TAMM41: variants seen among roughly 807,000 people sequenced by gnomAD.
TAMM41 encodes TAM41 mitochondrial translocator assembly and maintenance homolog.
TAMM41 carries 36 observed loss-of-function variants against 44.1 expected under a neutral mutation model. That is an observed-to-expected ratio of 0.82 (90% CI 0.63 to 1.08). The LOEUF is 1.08. TAMM41 is among the 50% of genes least tolerant of loss of function. The pLI is 0.00. For synonymous variants in TAMM41, 164 were observed against 153.1 expected (o/e 1.07, Z -0.53); for missense variants, 417 against 404.3 (o/e 1.03, Z -0.27).
intron 3 of TAMM41, among the ~76,000 whole-genome samples, chr3:11,833,957 A>G (rs1283439105): frequency 5.3e-5 from 8 of 152,174 alleles, no homozygotes; most frequent in Non-Finnish European, 1.2e-4. Context: ...GTTATTAAAA[A>G]ATAGGCCAGA....
chr3:11,790,688 G>A (rs759486573), intron 7 of TAMM41, 107 bp from the exon 8 acceptor site: 1 of 942,180 alleles, frequency 1.1e-6, no homozygotes, highest in Non-Finnish European at 1.7e-6. Flanking sequence ...GGGCAGTGAG[G>A]GGCTGACCCG....
At chr3:11,738,524 C>T in the TAMM41 span, among the ~76,000 whole-genome samples, 1 of 152,190 alleles carries the variant, frequency 6.6e-6, no homozygotes, top group Non-Finnish European at 1.5e-5. Flanking sequence ...GCCACAGAGA[C>T]AGCGCTGGAA....
At chr3:11,734,584 T>C in the TAMM41 span, among the ~76,000 whole-genome samples, 28 of 152,192 alleles carry the variant, frequency 1.8e-4, no homozygotes, top group Non-Finnish European at 3.8e-4. Context: ...TCTTACTCAC[T>C]AAATGATAGC....
intron 1 of TAMM41, among the ~76,000 whole-genome samples, chr3:11,844,740 A>T (rs960032461): frequency 6.6e-6 from 1 of 152,256 alleles, no homozygotes; most frequent in African/African-American, 2.4e-5. Flanking sequence ...CAGTTATTTT[A>T]TCTCTTACCT....
chr3:11,810,631 TC>T (rs1167406285), intron 5 of TAMM41: 1 of 152,216 alleles, frequency 6.6e-6, no homozygotes, highest in Non-Finnish European at 1.5e-5. Flanking sequence ...GGTTTTAACT[TC>T]AACTAAGAGA....
At chr3:11,777,808 G>A in the TAMM41 span, among the ~76,000 whole-genome samples, 1 of 152,070 alleles carries the variant, frequency 6.6e-6, no homozygotes, top group East Asian at 1.9e-4. Flanking sequence ...AAGAAAAAAA[G>A]TGTAAATTCA....
At chr3:11,735,750 A>G in the TAMM41 span, among the ~76,000 whole-genome samples, 1 of 152,218 alleles carries the variant, frequency 6.6e-6, no homozygotes, top group South Asian at 2.1e-4. Flanking sequence ...GACTTCTATA[A>G]TAAGGCAACA....
the TAMM41 span, among the ~76,000 whole-genome samples, chr3:11,734,745 G>A: frequency 1.3e-5 from 2 of 152,120 alleles, no homozygotes; most frequent in East Asian, 3.9e-4. Context: ...AAATTAAAAA[G>A]CAAATATGGA....
At chr3:11,834,617 T>C (rs2079103364) in intron 3 of TAMM41, among the ~76,000 whole-genome samples, 1 of 152,202 alleles carries the variant, frequency 6.6e-6, no homozygotes, top group African/African-American at 2.4e-5. Flanking sequence ...GATAAGTTAA[T>C]GGTAAAGTAT....
chr3:11,836,766 T>C (rs919695607), intron 3 of TAMM41, among the ~76,000 whole-genome samples: 10 of 152,216 alleles, frequency 6.6e-5, no homozygotes, highest in African/African-American at 2.4e-4. Context: ...GCCTGGCCCA[T>C]CTTTTGTATA....
At position 11,808,287 on chromosome 3, in the gene TAMM41, C is replaced by T. The variant is rs577622818; in HGVS notation, c.875-392G>A. On this transcript the variant is annotated intron_variant, in intron 6 of 7. Transcript: ENST00000455809. Reference sequence around the variant, plus strand: ...TACATCTACGAGAAAAACTTTCATTCTGAAAACACACATACGGATTCCACA... The same window carrying T: ...TACATCTACGAGAAAAACTTTCATTTTGAAAACACACATACGGATTCCACA... 8.6e-6 allele frequency: 9 copies of T among 1,044,202 alleles called. No individual in the cohort carries two copies. The Admixed American group carries it at 1.5e-4, about 18-fold the overall frequency. 64.7% of individuals were successfully genotyped at this position (1,044,202 alleles called of 1,614,324 possible).
At chr3:11,839,363 T>C (rs1282321545) in intron 2 of TAMM41, 49 bp from the exon 3 acceptor site, 2 of 1,186,720 alleles carry the variant, frequency 1.7e-6, no homozygotes, top group Admixed American at 3.7e-5. Context: ...ACCATGTTAT[T>C]GCTTATACAA....
intron 7 of TAMM41, among the ~76,000 whole-genome samples, chr3:11,792,407 T>C (rs1402462857): frequency 3.3e-5 from 5 of 152,154 alleles, no homozygotes; most frequent in Non-Finnish European, 1.5e-5. Flanking sequence ...TGGGTTGGAA[T>C]AGATGAGGGG....
the TAMM41 span, among the ~76,000 whole-genome samples, chr3:11,761,963 AAAAG>A: frequency 3.3e-5 from 5 of 149,916 alleles, no homozygotes; most frequent in Non-Finnish European, 7.4e-5. Flanking sequence ...AAAAAAAAAA[AAAAG>A]AAAGAAAGAA....
chr3:11,795,845 T>A (rs2077592332), intron 7 of TAMM41, among the ~76,000 whole-genome samples: 1 of 152,184 alleles, frequency 6.6e-6, no homozygotes, highest in South Asian at 2.1e-4. Context: ...AGATGTGAGG[T>A]CATCTGCTGC....
chr3:11,838,742 T>C (rs2079297246), intron 3 of TAMM41, among the ~76,000 whole-genome samples: 1 of 152,070 alleles, frequency 6.6e-6, no homozygotes, highest in Non-Finnish European at 1.5e-5. Context: ...CACAACTGAT[T>C]AAATCATTGG....
the TAMM41 span, among the ~76,000 whole-genome samples, chr3:11,722,282 G>A: frequency 1.1e-4 from 17 of 152,120 alleles, no homozygotes; most frequent in Non-Finnish European, 2.2e-4. Context: ...CAGCATTAGC[G>A]TGACTTAGCT....
the TAMM41 span, among the ~76,000 whole-genome samples, chr3:11,754,278 C>T: frequency 5.3e-5 from 8 of 152,172 alleles, no homozygotes; most frequent in Non-Finnish European, 8.8e-5. Flanking sequence ...TGACCCACTA[C>T]CCAGGCATCT....
At chr3:11,728,766 TG>T in the TAMM41 span, among the ~76,000 whole-genome samples, 11 of 152,224 alleles carry the variant, frequency 7.2e-5, no homozygotes, top group South Asian at 2.3e-3. Flanking sequence ...CCCAGCACTT[TG>T]GGAGGCCGAG....
Sources: gnomAD v4.1 joint callset for allele counts (sites outside exome capture counted in the v4.1 genomes callset) on GRCh38, gnomAD v4.1.1 for gene constraint, MANE v1.5 for transcripts, NCBI Gene and HGNC (gene_info 2026-07-23, HGNC 2026-07-21) for gene names.